The following KIF21A variants were observed in gnomAD, a reference collection of about 807,000 sequenced individuals.
KIF21A encodes kinesin family member 21A, also known as kinesin-like protein KIF21A.
KIF21A carries 114 observed loss-of-function variants against 202.9 expected under a neutral mutation model. The ratio of observed to expected loss-of-function variants is 0.56; its 90% CI spans 0.48 to 0.66. KIF21A has a LOEUF of 0.66. Among genes scored for constraint, KIF21A ranks in the 30% least tolerant of loss-of-function variants. The pLI, the probability that KIF21A is intolerant of heterozygous loss-of-function variation, is 0.00. For missense variants in KIF21A, 1,677 were observed against 1,994.9 expected (o/e 0.84, Z 3.04); for synonymous variants, 667 against 670.8 (o/e 0.99, Z 0.09).
At chr12:39,320,497 C>T (rs2137680081) in intron 27 of KIF21A, among the ~76,000 whole-genome samples, 1 of 152,038 alleles carries the variant, frequency 6.6e-6, no homozygotes, top group Middle Eastern at 3.4e-3. Context: ...TTTTACTTAG[C>T]TAGTATTTAA....
At chr12:39,427,657 C>A (rs532710599) in intron 1 of KIF21A, among the ~76,000 whole-genome samples, 1 of 152,184 alleles carries the variant, frequency 6.6e-6, no homozygotes, top group East Asian at 1.9e-4. Flanking sequence ...ACTGCTATTG[C>A]ATCTTTTTTG....
chr12:39,318,124 A>C lies in KIF21A; in HGVS notation c.3857T>G (p.Val1286Gly), dbSNP rs1944775541. 6.2e-7 allele frequency: 1 copy of C among 1,612,952 alleles called. No homozygotes were observed. Among genetic ancestry groups the C allele is most frequent in the African/African-American group, 1.3e-5 (1 of 74,876 alleles). ...PPSRPRNELNVFNRLTVSQGN... is the reference protein window; with the variant it reads ...PPSRPRNELNGFNRLTVSQGN... ...CTGAGAAACAGTAAGACGATTAAAA[A>C]CATTCAGTTCATTACGGGGCCGGCT... Residue 1286 changes from valine (V) to glycine (G), a missense_variant, in exon 29 of 38, where the codon GTT becomes GGT. Physicochemically the swap from Val to Gly is moderately radical, Grantham distance 109. This residue lies in a region of KIF21A where 705 missense variants were observed against 791.9 expected (regional missense o/e 0.89). Coordinates refer to ENST00000361418, the MANE Select transcript of KIF21A (RefSeq NM_001173464.2).
chr12:39,301,479 C>T lies in KIF21A; in HGVS notation c.4931+1G>A. On this transcript the variant is annotated splice_donor_variant, in intron 37 of 37. Coordinates refer to ENST00000361418, the MANE Select transcript of KIF21A (RefSeq NM_001173464.2). LOFTEE classifies it high-confidence loss of function. ...GAGAAAAATCATATAAGAAAACTTA[C>T]TCAGCTGCAGTAAAAATGTGGGTGG... The T allele has an allele frequency of 6.2e-7, 1 of 1,612,548 alleles. No individual in the cohort carries two copies. Among genetic ancestry groups the T allele is most frequent in the Non-Finnish European group, 8.5e-7 (1 of 1,178,568 alleles).
intron 1 of KIF21A, among the ~76,000 whole-genome samples, chr12:39,436,421 ATT>A (rs1566395023): frequency 1.4e-4 from 12 of 88,576 alleles, no homozygotes; most frequent in African/African-American, 6.7e-4. Context: ...GGTTTACTAT[ATT>A]ATATATATAT....
At chr12:39,367,003 T>C (rs1949645946) in intron 5 of KIF21A, 27 bp downstream of exon 5, 1 of 1,605,078 alleles carries the variant, frequency 6.2e-7, no homozygotes, top group Non-Finnish European at 8.5e-7. Flanking sequence ...AAATTGAAAG[T>C]TTAAGAAATT....
At chr12:39,410,139 C>T (rs7307513) in intron 1 of KIF21A, among the ~76,000 whole-genome samples, 2,393 of 152,258 alleles carry the variant, frequency 0.016, 53 homozygotes, top group African/African-American at 0.053. Context: ...CCTCTGCTGA[C>T]TTTCAAGATG....
chr12:39,423,359 A>G (rs1387614189), intron 1 of KIF21A, among the ~76,000 whole-genome samples: 2 of 151,742 alleles, frequency 1.3e-5, no homozygotes, highest in Non-Finnish European at 2.9e-5. Context: ...GATAGACCTT[A>G]CTACCCTTCA....
chr12:39,434,312 C>G (rs910093690), intron 1 of KIF21A, among the ~76,000 whole-genome samples: 2 of 152,218 alleles, frequency 1.3e-5, no homozygotes, highest in African/African-American at 4.8e-5. Flanking sequence ...TGACATTAAT[C>G]CATTAATGAG....
chr12:39,375,015 A>G (rs1226575152), intron 1 of KIF21A, among the ~76,000 whole-genome samples: 1 of 152,110 alleles, frequency 6.6e-6, no homozygotes, highest in Non-Finnish European at 1.5e-5. Flanking sequence ...GGACTACTTC[A>G]TTTATGAAAA....
At chr12:39,421,316 CTAA>C (rs1954236553) in intron 1 of KIF21A, among the ~76,000 whole-genome samples, 1 of 152,134 alleles carries the variant, frequency 6.6e-6, no homozygotes, top group African/African-American at 2.4e-5. Context: ...GCAAAATTGC[CTAA>C]TGACACATTT....
At chr12:39,427,592 C>G (rs1004366921) in intron 1 of KIF21A, among the ~76,000 whole-genome samples, 1 of 152,154 alleles carries the variant, frequency 6.6e-6, no homozygotes, top group Non-Finnish European at 1.5e-5. Context: ...ATGCAATGTG[C>G]AAATAAACAT....
At chr12:39,380,408 G>C (rs556263933) in intron 1 of KIF21A, among the ~76,000 whole-genome samples, 49 of 152,248 alleles carry the variant, frequency 3.2e-4, no homozygotes, top group Non-Finnish European at 6.2e-4. Flanking sequence ...CTCTTTCCTG[G>C]ATACAGCGGG....
At chr12:39,371,050 C>A (rs1445117580) in intron 1 of KIF21A, among the ~76,000 whole-genome samples, 1 of 151,960 alleles carries the variant, frequency 6.6e-6, no homozygotes, top group Non-Finnish European at 1.5e-5. Flanking sequence ...CTTATAATAC[C>A]TAATACAATG....
intron 1 of KIF21A, among the ~76,000 whole-genome samples, chr12:39,422,505 C>T (rs1018226972): frequency 1.3e-5 from 2 of 152,048 alleles, no homozygotes; most frequent in African/African-American, 4.8e-5. Context: ...GTCAATAAGA[C>T]AAGACAATAA....
Position 39,337,086 on chromosome 12 carries a change from A to C in KIF21A, c.2418+10T>G. 1 of 1,543,670 alleles carries C rather than the reference A, an allele frequency of 6.5e-7. No homozygotes were observed. The highest frequency in any genetic ancestry group is 1.1e-5 in the South Asian group (1 of 89,630). Reference sequence around the variant, plus strand: ...TTTTCTTATATAACTGAGAGTTAAAATCCACTTACATCTCTTTTACGTTGA... The same window carrying C: ...TTTTCTTATATAACTGAGAGTTAAACTCCACTTACATCTCTTTTACGTTGA... On this transcript the variant is annotated intron_variant, in intron 17 of 37. Coordinates refer to ENST00000361418, the MANE Select transcript of KIF21A (RefSeq NM_001173464.2).
At chr12:39,317,074 G>T (rs929188329) in intron 29 of KIF21A, among the ~76,000 whole-genome samples, 3 of 151,926 alleles carry the variant, frequency 2.0e-5, no homozygotes, top group African/African-American at 7.3e-5. Flanking sequence ...AGAGTATTTT[G>T]TTTAATAACA....
At chr12:39,301,115 G>C (rs1231187976) in intron 37 of KIF21A, among the ~76,000 whole-genome samples, 8 of 152,174 alleles carry the variant, frequency 5.3e-5, no homozygotes, top group Non-Finnish European at 1.0e-4. Flanking sequence ...GAAGCACAGA[G>C]AGTTTTTAAA....
intron 27 of KIF21A, chr12:39,321,883 ACTAAT>A (rs554083310): frequency 1.8e-3 from 272 of 152,240 alleles, no homozygotes; most frequent in African/African-American, 5.8e-3. Flanking sequence ...CCAGTGAATG[ACTAAT>A]CTAATATTAA....
intron 16 of KIF21A, among the ~76,000 whole-genome samples, chr12:39,338,423 A>C (rs1161521966): frequency 6.6e-6 from 1 of 152,236 alleles, no homozygotes; most frequent in Non-Finnish European, 1.5e-5. Flanking sequence ...CAGTAAGCCA[A>C]GGTTAATTTA....
Sources: allele counts gnomAD v4.1 joint callset (sites outside exome capture counted in the v4.1 genomes callset), GRCh38; gene constraint gnomAD v4.1.1; regional missense constraint gnomAD v4.1.1; transcripts MANE v1.5; gene names NCBI Gene and HGNC (gene_info 2026-07-23, HGNC 2026-07-21).